Variants in ZNF560 observed in about 807,000 individuals in gnomAD.
ZNF560 encodes the protein zinc finger protein 560.
Under a neutral mutation model 81.8 loss-of-function variants are expected in ZNF560, and 54 were observed. That is an observed-to-expected ratio of 0.66 (90% CI 0.53 to 0.83). ZNF560 has a LOEUF of 0.83. ZNF560 is among the 40% of genes least tolerant of loss of function. ZNF560 has a pLI of 0.00. For synonymous variants in ZNF560, 321 were observed against 317.9 expected (o/e 1.01, Z -0.10); for missense variants, 940 against 932.4 (o/e 1.01, Z -0.11).
In ZNF560 at chr19:9,467,396, C is replaced by T. The variant is rs2073043062; in HGVS notation, c.1551G>A (p.Lys517=). 1 of 1,613,950 alleles carries T rather than the reference C, an allele frequency of 6.2e-7. No individual in the cohort carries two copies. Among genetic ancestry groups the T allele is most frequent in the Admixed American group, 1.7e-5 (1 of 60,002 alleles). ...TAAATGGTTTCCCACATTTGTAACA[C>T]TTAAAGGGCTTCTCACCAGTGTGAG... ...LRTHTGEKPF[K]CYKCGKPFTS... Residue 517 remains lysine (K), a synonymous_variant, in exon 10 of 10, where the codon AAG becomes AAA. Coordinates refer to ENST00000301480, the MANE Select transcript of ZNF560 (RefSeq NM_152476.3).
At chr19:9,462,413 T>C (rs902818120), downstream of ZNF560, among the ~76,000 whole-genome samples, 1 of 152,244 alleles carries the variant, frequency 6.6e-6, no homozygotes, top group East Asian at 1.9e-4. Flanking sequence ...TTTCAGTTAA[T>C]CTACAAACTA....
intron 2 of ZNF560, among the ~76,000 whole-genome samples, chr19:9,481,260 C>A (rs2073285431): frequency 6.6e-6 from 1 of 152,108 alleles, no homozygotes; most frequent in South Asian, 2.1e-4. Context: ...ATACCTTATA[C>A]AAAAATTAAT....
At chr19:9,482,934 G>A (rs888771988) in intron 2 of ZNF560, among the ~76,000 whole-genome samples, 8 of 152,180 alleles carry the variant, frequency 5.3e-5, no homozygotes, top group African/African-American at 1.9e-4. Context: ...CGAGGTGCCG[G>A]GATTGCAGAT....
the ZNF560 span, among the ~76,000 whole-genome samples, chr19:9,454,525 G>A: frequency 1.2e-3 from 178 of 152,246 alleles, 3 homozygotes; most frequent in East Asian, 0.028. Context: ...AGGGGAGCTC[G>A]GAAGCATCAG....
Position 9,475,331 on chromosome 19 carries a change from T to A in ZNF560, c.-18A>T. On this transcript the variant is annotated 5_prime_UTR_variant, in exon 3 of 10. Coordinates refer to ENST00000301480, the MANE Select transcript of ZNF560 (RefSeq NM_152476.3). Reference sequence around the variant, plus strand: ...TAAGCCATCTTCCTTTCTGCCTCTGTCTTTTCTTCATGAAGGCAGATTGGG... The same window carrying A: ...TAAGCCATCTTCCTTTCTGCCTCTGACTTTTCTTCATGAAGGCAGATTGGG... 6.2e-7 allele frequency: 1 copy of A among 1,613,516 alleles called. No homozygotes were observed. Among genetic ancestry groups the A allele is most frequent in the Non-Finnish European group, 8.5e-7 (1 of 1,179,734 alleles).
At chr19:9,484,499 T>G (rs766658904) in intron 2 of ZNF560, among the ~76,000 whole-genome samples, 4 of 151,920 alleles carry the variant, frequency 2.6e-5, no homozygotes, top group African/African-American at 9.7e-5. Flanking sequence ...AATTGTTTTC[T>G]GGCAGAGTAT....
chr19:9,452,221 A>G, the ZNF560 span, among the ~76,000 whole-genome samples: 1 of 152,192 alleles, frequency 6.6e-6, no homozygotes, highest in Admixed American at 6.5e-5. Context: ...ATGAGATACC[A>G]TCTCAAACCA....
intron 2 of ZNF560, among the ~76,000 whole-genome samples, chr19:9,494,130 C>CAA (rs891546578): frequency 3.7e-4 from 25 of 67,150 alleles, no homozygotes; most frequent in African/African-American, 6.8e-4. Context: ...GACTCCATCT[C>CAA]AAAAAAAAAA....
At chr19:9,457,701 A>G in the ZNF560 span, among the ~76,000 whole-genome samples, 87,346 of 152,070 alleles carry the variant, frequency 0.57, 25,899 homozygotes, top group African/African-American at 0.71. Flanking sequence ...CACCACAATA[A>G]TGCCACAGAA....
At chr19:9,463,953 G>T (rs2072975332), downstream of ZNF560, among the ~76,000 whole-genome samples, 1 of 152,178 alleles carries the variant, frequency 6.6e-6, no homozygotes, top group Admixed American at 6.5e-5. Context: ...GAAGTGCTGG[G>T]ATTACAGGCA....
chr19:9,474,445 A>T, intron 3 of ZNF560, 120 bp from the exon 4 acceptor site: 11 of 1,097,612 alleles, frequency 1.0e-5, no homozygotes, highest in Non-Finnish European at 1.4e-5. Context: ...TTATCTACCC[A>T]AAGCTTAATA....
intron 5 of ZNF560, 42 bp downstream of exon 5, chr19:9,473,137 T>C: frequency 4.0e-6 from 6 of 1,503,240 alleles, no homozygotes; most frequent in Non-Finnish European, 4.6e-6. Flanking sequence ...CTAAACATAC[T>C]GAACTTCTCA....
At chr19:9,486,166 C>T (rs2073381408) in intron 2 of ZNF560, among the ~76,000 whole-genome samples, 1 of 152,156 alleles carries the variant, frequency 6.6e-6, no homozygotes, top group African/African-American at 2.4e-5. Context: ...CACATGACTC[C>T]AGATCCTGGA....
chr19:9,475,357 T>C lies in ZNF560; in HGVS notation c.-44A>G. Reference sequence around the variant, plus strand: ...CTTTTCTTCATGAAGGCAGATTGGGTTCCTAGAAAGACCTGGAAAAGAAAG... The same window carrying C: ...CTTTTCTTCATGAAGGCAGATTGGGCTCCTAGAAAGACCTGGAAAAGAAAG... On this transcript the variant is annotated 5_prime_UTR_variant, in exon 3 of 10. Coordinates refer to ENST00000301480, the MANE Select transcript of ZNF560 (RefSeq NM_152476.3). The C allele has an allele frequency of 1.2e-6, 2 of 1,606,058 alleles. No individual in the cohort carries two copies. The highest frequency in any genetic ancestry group is 8.5e-7 in the Non-Finnish European group (1 of 1,174,296).
intron 2 of ZNF560, among the ~76,000 whole-genome samples, chr19:9,496,398 G>C (rs1003316885): frequency 6.6e-6 from 1 of 151,528 alleles, no homozygotes; most frequent in African/African-American, 2.4e-5. Flanking sequence ...TTTGTATTTT[G>C]TATTTTTAGT....
chr19:9,494,444 T>C (rs751893769), intron 2 of ZNF560, among the ~76,000 whole-genome samples: 3 of 152,048 alleles, frequency 2.0e-5, no homozygotes, highest in Non-Finnish European at 2.9e-5. Context: ...CATTAAAAGA[T>C]GGGAGGGAGG....
chr19:9,496,473 C>A (rs1020762860), intron 2 of ZNF560, among the ~76,000 whole-genome samples: 1 of 151,222 alleles, frequency 6.6e-6, no homozygotes, highest in Non-Finnish European at 1.5e-5. Flanking sequence ...ATCCACCTGC[C>A]TCAGCCTCCC....
chr19:9,470,060 A>G (rs2073097012), intron 7 of ZNF560, among the ~76,000 whole-genome samples: 1 of 152,226 alleles, frequency 6.6e-6, no homozygotes, highest in African/African-American at 2.4e-5. Context: ...GAAAACTCCC[A>G]TTCCAGTAGT....
At chr19:9,452,349 C>T in the ZNF560 span, among the ~76,000 whole-genome samples, 6 of 152,014 alleles carry the variant, frequency 3.9e-5, no homozygotes, top group African/African-American at 7.2e-5. Flanking sequence ...GGAGACTTCT[C>T]AAAAGAACTT....
Sources: allele counts gnomAD v4.1 joint callset (sites outside exome capture counted in the v4.1 genomes callset), GRCh38; gene constraint gnomAD v4.1.1; transcripts MANE v1.5; gene names NCBI Gene and HGNC (gene_info 2026-07-23, HGNC 2026-07-21).